Variants in LPCAT3 observed in about 807,000 individuals in gnomAD.
LPCAT3 encodes the protein lysophospholipid acyltransferase 5.
LPCAT3 carries 21 observed loss-of-function variants against 63.4 expected under a neutral mutation model. The ratio of observed to expected loss-of-function variants is 0.33; its 90% confidence interval spans 0.23 to 0.48. The LOEUF (loss-of-function observed/expected upper bound fraction) is 0.48. LPCAT3 is among the 20% of genes least tolerant of loss of function. The pLI is 0.99. For synonymous variants in LPCAT3, 242 were observed against 227.5 expected, an observed-to-expected ratio of 1.06 and a Z score of -0.58; for missense variants, 451 against 590.6, an observed-to-expected ratio of 0.76 and a Z score of 2.45.
At chr12:6,994,136 T>C (rs1946614159) in intron 1 of LPCAT3, among the ~76,000 whole-genome samples, 1 of 152,144 alleles carries the variant, frequency 6.6e-6, no homozygotes, top group Non-Finnish European at 1.5e-5. Context: ...TGTACAAGTT[T>C]TTGTGTGAAC....
intron 6 of LPCAT3, chr12:6,979,959 G>A: frequency 5.9e-6 from 1 of 169,500 alleles, no homozygotes; most frequent in East Asian, 1.6e-4. Flanking sequence ...TTTCTTGGTT[G>A]AATTGATGCT....
chr12:7,002,486 C>T (rs2138354301), intron 1 of LPCAT3, among the ~76,000 whole-genome samples: 1 of 151,972 alleles, frequency 6.6e-6, no homozygotes. Context: ...TGAGTAATTT[C>T]TCTTGTCTTT....
At chr12:7,001,767 G>A (rs1293575429) in intron 1 of LPCAT3, among the ~76,000 whole-genome samples, 1 of 152,154 alleles carries the variant, frequency 6.6e-6, no homozygotes, top group Non-Finnish European at 1.5e-5. Context: ...GAATCAAGCA[G>A]CATGGAACCC....
At chr12:6,985,523 G>A (rs1946514815) in intron 1 of LPCAT3, among the ~76,000 whole-genome samples, 1 of 150,642 alleles carries the variant, frequency 6.6e-6, no homozygotes, top group Non-Finnish European at 1.5e-5. Context: ...AGACCATACT[G>A]GCCAACATGG....
At chr12:7,013,722 G>A (rs1946780574) in intron 1 of LPCAT3, among the ~76,000 whole-genome samples, 1 of 152,146 alleles carries the variant, frequency 6.6e-6, no homozygotes, top group Admixed American at 6.5e-5. Flanking sequence ...TCTCAGCACA[G>A]CCACCCTGCC....
Position 6,977,888 on chromosome 12 carries a change from G to A in LPCAT3, c.1041-143C>T. The A allele has an allele frequency of 1.1e-6, 1 of 926,718 alleles. No homozygotes were observed. 57.4% of individuals were successfully genotyped at this position (926,718 alleles called of 1,614,324 possible). On this transcript the variant is annotated intron_variant, in intron 9 of 12. Coordinates refer to ENST00000261407, the MANE Select transcript of LPCAT3 (RefSeq NM_005768.6). This position sits in a 1 kb window ranked among gnomAD's most constrained non-coding sequence, Gnocchi z 4.5. ...GCCCCCAGAGGGTACAGGAGGCAGTGCTGACTGATTACTTTTAGAGATGGA... is the reference window on the plus strand; with the variant it reads ...GCCCCCAGAGGGTACAGGAGGCAGTACTGACTGATTACTTTTAGAGATGGA...
intron 1 of LPCAT3, among the ~76,000 whole-genome samples, chr12:7,008,708 T>A (rs964216692): frequency 6.6e-6 from 1 of 151,778 alleles, no homozygotes; most frequent in Non-Finnish European, 1.5e-5. Context: ...GCTGAGATTG[T>A]ACCTCTGCAC....
chr12:6,978,998 C>G, intron 7 of LPCAT3: 1 of 338,012 alleles, frequency 3.0e-6, no homozygotes, highest in East Asian at 5.7e-5. Context: ...ACAGAGGGGC[C>G]CATATTGGAT....
intron 1 of LPCAT3, among the ~76,000 whole-genome samples, chr12:6,985,266 G>A (rs1946511227): frequency 6.6e-6 from 1 of 151,888 alleles, no homozygotes; most frequent in South Asian, 2.1e-4. Context: ...TGTGGTGGCG[G>A]GCGCCTATAG....
intron 6 of LPCAT3, 98 bp from the exon 7 acceptor site, chr12:6,979,677 G>T: frequency 1.2e-6 from 1 of 804,628 alleles, no homozygotes; most frequent in Non-Finnish European, 2.1e-6. Flanking sequence ...TAGGGGTGTG[G>T]TTGTCTACCT....
intron 7 of LPCAT3, chr12:6,978,919 T>C: frequency 5.4e-6 from 3 of 552,564 alleles, no homozygotes; most frequent in Non-Finnish European, 6.3e-6. Flanking sequence ...AGGGCAGCAC[T>C]GTATTTAACT....
intron 1 of LPCAT3, among the ~76,000 whole-genome samples, chr12:7,010,827 GT>G (rs1316602605): frequency 6.6e-6 from 1 of 152,046 alleles, no homozygotes; most frequent in Non-Finnish European, 1.5e-5. Context: ...ATAAAAAGTG[GT>G]TGGAAAAAAT....
intron 1 of LPCAT3, among the ~76,000 whole-genome samples, chr12:6,983,963 C>T (rs1194850755): frequency 6.6e-6 from 1 of 152,076 alleles, no homozygotes; most frequent in Non-Finnish European, 1.5e-5. Context: ...AGCAACATAG[C>T]GAAACCCCGT....
rs144273183 is a variant in LPCAT3 at position 7,005,554 on chromosome 12, A to AGC, written c.151+12718_151+12719dup. Among the ~76,000 whole-genome samples the AGC allele has an allele frequency of 2.5e-3, 387 of 152,336 alleles. 4 individuals carry two copies. The highest frequency in any genetic ancestry group is 8.4e-3 in the African/African-American group (351 of 41,584). On this transcript the variant is annotated intron_variant, in intron 1 of 12. Coordinates refer to ENST00000261407, the MANE Select transcript of LPCAT3 (RefSeq NM_005768.6). ...GGCTGCACCATTTTACATTCCCACC[A>AGC]GCAATGCTTGAGGGTTCCAATTTCT...
At chr12:6,996,893 G>A (rs1946640618) in intron 1 of LPCAT3, among the ~76,000 whole-genome samples, 1 of 152,190 alleles carries the variant, frequency 6.6e-6, no homozygotes, top group South Asian at 2.1e-4. Flanking sequence ...CACAGCGGTA[G>A]GAAGGAGCAT....
At chr12:6,994,364 T>G (rs1376390272) in intron 1 of LPCAT3, among the ~76,000 whole-genome samples, 15 of 151,854 alleles carry the variant, frequency 9.9e-5, no homozygotes, top group Admixed American at 9.8e-4. Context: ...TGCACCACCA[T>G]GCCCAGCTAA....
At chr12:6,993,664 T>C (rs782303242) in intron 1 of LPCAT3, among the ~76,000 whole-genome samples, 1 of 152,210 alleles carries the variant, frequency 6.6e-6, no homozygotes, top group Non-Finnish European at 1.5e-5. Context: ...GTCTGGCTTA[T>C]TTCACTTAGC....
At position 7,018,354 on chromosome 12, in the gene LPCAT3, T is replaced by G. The variant is rs782346764; in HGVS notation, c.71A>C (p.Gln24Pro). Residue 24 changes from glutamine to proline, a missense_variant, in exon 1 of 13, where the codon CAG becomes CCG. Physicochemically the swap from Gln to Pro is moderately conservative, Grantham distance 76. This residue lies in a region of LPCAT3 where 133 missense variants were observed against 152.1 expected (regional missense o/e 0.87). Coordinates refer to ENST00000261407, the MANE Select transcript of LPCAT3 (RefSeq NM_005768.6). The surrounding 1 kb of genome is among the most constrained non-coding windows in gnomAD (Gnocchi z 4.9). ...CGCCAACTTGTTAAGGCTCAGCTCC[T>G]GGAAACCCGACTGCAGAACCCCCGC... Reference protein sequence around the residue: ...ALAGVLQSGFQELSLNKLATS... With the variant: ...ALAGVLQSGFPELSLNKLATS... 1.3e-5 allele frequency: 21 copies of G among 1,612,166 alleles called. No individual in the cohort carries two copies. In the African/African-American group the frequency reaches 1.6e-4, roughly 12 times the overall value.
intron 1 of LPCAT3, among the ~76,000 whole-genome samples, chr12:6,985,583 C>T (rs1227245661): frequency 6.7e-6 from 1 of 150,272 alleles, no homozygotes; most frequent in East Asian, 2.0e-4. Context: ...GGTGTGGTGG[C>T]GGGTGCCTGT....
Sources: allele counts gnomAD v4.1 joint callset (sites outside exome capture counted in the v4.1 genomes callset), GRCh38; gene constraint gnomAD v4.1.1; regional missense constraint gnomAD v4.1.1; non-coding constraint Gnocchi (gnomAD v3.1); transcripts MANE v1.5; gene names NCBI Gene and HGNC (gene_info 2026-07-23, HGNC 2026-07-21).